The following ENG variants were observed in gnomAD, a reference collection of about 807,000 sequenced individuals.
ENG encodes the protein endoglin.
In ENG, 17 loss-of-function variants were observed where a neutral mutation model predicts 71.0. That is an observed-to-expected ratio of 0.24 (90% CI 0.16 to 0.36). ENG has a LOEUF of 0.36. Among genes scored for constraint, ENG ranks in the 10% least tolerant of loss-of-function variants. ENG has a pLI of 1.00. For missense variants in ENG, 749 were observed against 868.3 expected (o/e 0.86, Z 1.73); for synonymous variants, 360 against 366.9 (o/e 0.98, Z 0.21).
intron 1 of ENG, among the ~76,000 whole-genome samples, chr9:127,844,435 A>AT (rs1464845584): frequency 2.0e-5 from 3 of 146,790 alleles, no homozygotes; most frequent in East Asian, 4.1e-4. Flanking sequence ...CCTATTTTTT[A>AT]TTTTTTTGAG....
chr9:127,852,385 G>A (rs41532545), intron 1 of ENG, among the ~76,000 whole-genome samples: 1,709 of 152,222 alleles, frequency 0.011, 26 homozygotes, highest in African/African-American at 0.038. Context: ...CCCCCAGCTG[G>A]CTTCCAGGCC....
rs888242342 is a variant in ENG at position 127,819,493 on chromosome 9, C to T, written c.1311+129G>A. 5.8e-5 allele frequency: 74 copies of T among 1,267,284 alleles called. No individual in the cohort carries two copies. The African/African-American group carries it at 6.5e-4, about 11-fold the overall frequency. The allele number at this position is 1,267,284 out of a possible 1,614,324, so 78.5% of individuals were successfully genotyped here. ...GCTCCGGTCATACAGAAGGGGAGAC[C>T]GAGGCATTCCAGACACACATGGCTT... On this transcript the variant is annotated intron_variant, in intron 10 of 14. Transcript: ENST00000373203.
chr9:127,848,234 C>A (rs1831217818), intron 1 of ENG, among the ~76,000 whole-genome samples: 1 of 152,274 alleles, frequency 6.6e-6, no homozygotes, highest in South Asian at 2.1e-4. Flanking sequence ...CTCGCTCCTG[C>A]CTCTGCCATG....
rs1830441727 is a variant in ENG, at chr9:127,820,391, C to T, written c.1135-354G>A. ...TGTATTTTTAGTAGAGATAGGGTTT[C>T]ACCATGTTGGCCAGGCTGGTCTCAA... On this transcript the variant is annotated intron_variant, in intron 8 of 14. Coordinates refer to ENST00000373203, the MANE Select transcript of ENG (RefSeq NM_001114753.3). Among the ~76,000 whole-genome samples the T allele has an allele frequency of 2.0e-5, 3 of 151,574 alleles. 1 individual carries two copies. The highest frequency in any genetic ancestry group is 4.2e-4 in the South Asian group (2 of 4,760).
intron 2 of ENG, among the ~76,000 whole-genome samples, chr9:127,842,218 T>A (rs1247732371): frequency 1.1e-5 from 1 of 92,682 alleles, no homozygotes; most frequent in Non-Finnish European, 2.0e-5. Flanking sequence ...ACTTCTCTTT[T>A]TCTTTTCTTT....
intron 8 of ENG, chr9:127,821,454 T>C (rs749379332): frequency 6.8e-6 from 1 of 147,374 alleles, no homozygotes; most frequent in Non-Finnish European, 1.5e-5. Flanking sequence ...AGAAGGCCAG[T>C]TGCAGTGGCT....
chr9:127,823,675 T>G (rs1398554179), intron 8 of ENG, among the ~76,000 whole-genome samples: 3 of 128,252 alleles, frequency 2.3e-5, no homozygotes, highest in African/African-American at 9.0e-5. Context: ...GGCACCGGCT[T>G]TTTTTTTTTT....
rs1238444554 is a variant in ENG, at chr9:127,815,643, G to A, written c.*39C>T. 9.1e-6 allele frequency: 14 copies of A among 1,541,380 alleles called. No homozygotes were observed. The highest frequency in any genetic ancestry group is 1.2e-5 in the Non-Finnish European group (14 of 1,150,408). On this transcript the variant is annotated 3_prime_UTR_variant, in exon 15 of 15. Transcript: ENST00000373203. ...ACACCAGTGCTCCCAGCTGGCGGCT[G>A]CTCAGTCTCTCCTGCTGGGCGAGCG...
chr9:127,823,818 A>G (rs1196239800), intron 8 of ENG, among the ~76,000 whole-genome samples: 1 of 150,880 alleles, frequency 6.6e-6, no homozygotes, highest in Non-Finnish European at 1.5e-5. Context: ...AGTAGCTGGG[A>G]CTACAGGTGT....
intron 2 of ENG, among the ~76,000 whole-genome samples, chr9:127,835,756 G>T (rs894737139): frequency 5.3e-5 from 8 of 152,106 alleles, no homozygotes; most frequent in African/African-American, 1.9e-4. Context: ...ACCAGGTTGG[G>T]CTATGGATAA....
chr9:127,817,223 C>T lies in ENG; in HGVS notation c.1687-20G>A. 1 of 1,613,944 alleles carries T rather than the reference C, an allele frequency of 6.2e-7. No homozygotes were observed. On this transcript the variant is annotated intron_variant, in intron 12 of 14. Transcript: ENST00000373203. ...GACTTCCTGGAGGAGAAAGAGAGAG[C>T]AGTATGTGGCACCTTTGGGAGGCGG...
In ENG at chr9:127,846,117, C is replaced by T. The variant is rs1301126458; in HGVS notation, c.68-2872G>A. Among the ~76,000 whole-genome samples the T allele has an allele frequency of 6.6e-6, 1 of 152,110 alleles. No homozygotes were observed. The highest frequency in any genetic ancestry group is 2.4e-5 in the African/African-American group (1 of 41,424). ...GGGTGAAGTGGCGGGATGGGGTGGCCTCCAGGTGACGGTCCTCTGGGATGG... is the reference window on the plus strand; with the variant it reads ...GGGTGAAGTGGCGGGATGGGGTGGCTTCCAGGTGACGGTCCTCTGGGATGG... On this transcript the variant is annotated intron_variant, in intron 1 of 14. Coordinates refer to ENST00000373203, the MANE Select transcript of ENG (RefSeq NM_001114753.3). This position sits in a 1 kb window ranked among gnomAD's most constrained non-coding sequence, Gnocchi z 5.5.
chr9:127,826,901 T>C, intron 3 of ENG: 1 of 558,522 alleles, frequency 1.8e-6, no homozygotes, highest in South Asian at 2.0e-5. Context: ...ACCACCTTGT[T>C]CATCCACCTG....
chr9:127,816,005 A>C lies in ENG; in HGVS notation c.1790T>G (p.Phe597Cys). The change falls in exon 14 of 15, where the codon TTT becomes TGT. Residue 597 changes from phenylalanine (F) to cysteine (C), a missense_variant. Coordinates refer to ENST00000373203, the MANE Select transcript of ENG (RefSeq NM_001114753.3). ...CAGGGCCCCGATGAGGAAGGCACCA[A>C]AGGTGATGCCCAGCACGGCGGGCAG... The part of the protein sequence containing the change: ...LVLPAVLGIT[F>C]GAFLIGALLT... 1 of 1,610,868 alleles carries C rather than the reference A, an allele frequency of 6.2e-7. No homozygotes were observed. The highest frequency in any genetic ancestry group is 8.5e-7 in the Non-Finnish European group (1 of 1,179,048).
At chr9:127,823,769 C>T (rs779154884) in intron 8 of ENG, among the ~76,000 whole-genome samples, 1 of 142,736 alleles carries the variant, frequency 7.0e-6, no homozygotes, top group African/African-American at 2.7e-5. Flanking sequence ...GCAGCCTCTG[C>T]CTCCTGGGTT....
chr9:127,815,648 G>C lies in ENG; in HGVS notation c.*34C>G. ...AGTGCTCCCAGCTGGCGGCTGCTCA[G>C]TCTCTCCTGCTGGGCGAGCGCGGGG... On this transcript the variant is annotated 3_prime_UTR_variant, in exon 15 of 15. Coordinates refer to ENST00000373203, the MANE Select transcript of ENG (RefSeq NM_001114753.3). The C allele has an allele frequency of 6.5e-7, 1 of 1,543,616 alleles. No homozygotes were observed. The highest frequency in any genetic ancestry group is 8.7e-7 in the Non-Finnish European group (1 of 1,151,564).
rs141914949 is a variant in ENG, at chr9:127,826,353, C to T, written c.523+157G>A. ...ATCTGATATTTGGTGGAGGAGCCAT[C>T]ACTGTCCCAAGGCAGCACTGGCTTG... On this transcript the variant is annotated intron_variant, in intron 4 of 14. Coordinates refer to ENST00000373203, the MANE Select transcript of ENG (RefSeq NM_001114753.3). Among the ~76,000 whole-genome samples the T allele has an allele frequency of 7.9e-4, 121 of 152,326 alleles. 1 individual carries two copies. In the East Asian group the frequency reaches 0.022, roughly 28 times the overall value.
intron 3 of ENG, 54 bp downstream of exon 3, chr9:127,829,633 T>C (rs1229532256): frequency 6.2e-7 from 1 of 1,609,938 alleles, no homozygotes; most frequent in Non-Finnish European, 8.5e-7. Flanking sequence ...AGATGGACAG[T>C]AGGGACCTCC....
At chr9:127,843,371 T>C in intron 1 of ENG, 126 bp from the exon 2 acceptor site, 9 of 1,212,822 alleles carry the variant, frequency 7.4e-6, no homozygotes, top group Non-Finnish European at 1.1e-5. Flanking sequence ...ACAGCCACCT[T>C]ATGAGGTGGA....
Sources: gnomAD v4.1 joint callset for allele counts (sites outside exome capture counted in the v4.1 genomes callset) on GRCh38, gnomAD v4.1.1 for gene constraint, Gnocchi (gnomAD v3.1) non-coding constraint, MANE v1.5 for transcripts, NCBI Gene and HGNC (gene_info 2026-07-23, HGNC 2026-07-21) for gene names.